The following RFTN2 variants were observed in gnomAD, a reference collection of about 807,000 sequenced individuals.
RFTN2 encodes the protein raftlin family member 2.
Under a neutral mutation model 52.7 loss-of-function variants are expected in RFTN2, and 34 were observed. The ratio of observed to expected loss-of-function variants is 0.64; its 90% CI spans 0.49 to 0.86. RFTN2 has a LOEUF of 0.86. Among genes scored for constraint, RFTN2 ranks in the 40% least tolerant of loss-of-function variants. The probability of loss-of-function intolerance (pLI) is 0.00; values close to 1 mark genes in which losing one functional copy is unlikely to be tolerated. For missense variants in RFTN2, 536 were observed against 600.1 expected (o/e 0.89, Z 1.12); for synonymous variants, 203 against 217.7 (o/e 0.93, Z 0.59).
intron 3 of RFTN2, among the ~76,000 whole-genome samples, chr2:197,638,931 C>T (rs1225341941): frequency 2.0e-5 from 3 of 151,464 alleles, no homozygotes; most frequent in African/African-American, 7.3e-5. Flanking sequence ...TTTGGGCAGG[C>T]CTGGTCATGA....
chr2:197,596,174 C>CT, intron 7 of RFTN2, 105 bp from the exon 8 acceptor site: 1 of 515,194 alleles, frequency 1.9e-6, no homozygotes, highest in Non-Finnish European at 3.4e-6. Flanking sequence ...AATCTTCTGA[C>CT]CAAAAATAAT....
intron 1 of RFTN2, among the ~76,000 whole-genome samples, chr2:197,650,505 G>A (rs181715463): frequency 6.6e-6 from 1 of 152,348 alleles, no homozygotes; most frequent in African/African-American, 2.4e-5. Context: ...AATAAGGGAT[G>A]TGCCTTGGCT....
chr2:197,671,996 A>G (rs2106278035), intron 1 of RFTN2, among the ~76,000 whole-genome samples: 1 of 152,312 alleles, frequency 6.6e-6, no homozygotes, highest in Admixed American at 6.5e-5. Context: ...TACATACATC[A>G]TATGCTCTCA....
chr2:197,596,266 AG>A (rs1378076658), intron 7 of RFTN2, among the ~76,000 whole-genome samples, 197 bp from the exon 8 acceptor site: 1 of 152,238 alleles, frequency 6.6e-6, no homozygotes, highest in African/African-American at 2.4e-5. Context: ...CTGGAAAAAC[AG>A]GAAAAACCCC....
rs780547507 is a variant in RFTN2, at chr2:197,616,288, TA to T, written c.1051-310del. ...ATCTGCATTTTATTTTATTTTATTTTATTTTATTTTATTTTATTTTAAAGAG... is the reference window on the plus strand; with the variant it reads ...ATCTGCATTTTATTTTATTTTATTTTTTTTATTTTATTTTATTTTAAAGAG... On this transcript the variant is annotated intron_variant, in intron 6 of 8. Coordinates refer to ENST00000295049, the MANE Select transcript of RFTN2 (RefSeq NM_144629.3). 9.2e-5 allele frequency among the ~76,000 whole-genome samples: 3 copies of T among 32,490 alleles called. 1 individual carries two copies. The highest frequency in any genetic ancestry group is 4.7e-4 in the African/African-American group (3 of 6,400). 21.3% of individuals were successfully genotyped at this position (32,490 alleles called of 152,430 possible).
intron 1 of RFTN2, among the ~76,000 whole-genome samples, chr2:197,647,484 A>G (rs1013260766): frequency 2.0e-5 from 3 of 152,152 alleles, no homozygotes; most frequent in Admixed American, 6.5e-5. Context: ...TGTTGGGATT[A>G]TAGGTGTGAG....
chr2:197,599,066 C>A (rs2087837312), intron 7 of RFTN2, among the ~76,000 whole-genome samples: 2 of 152,026 alleles, frequency 1.3e-5, no homozygotes, highest in South Asian at 4.2e-4. Context: ...ATTTTCCTAC[C>A]TCAGCCTCCC....
At chr2:197,590,889 C>G (rs2087698895) in intron 8 of RFTN2, among the ~76,000 whole-genome samples, 1 of 152,138 alleles carries the variant, frequency 6.6e-6, no homozygotes. Flanking sequence ...GAGGGAGCAG[C>G]AGCACAATTT....
At chr2:197,616,268 C>CATTTCATTTCATTTT (rs2088139290) in intron 6 of RFTN2, among the ~76,000 whole-genome samples, 1 of 60,768 alleles carries the variant, frequency 1.6e-5, no homozygotes, top group African/African-American at 8.0e-5. Context: ...TGGGAATCTG[C>CATTTCATTTCATTTT]ATTTTATTTT....
At chr2:197,603,959 G>C (rs2087921239) in intron 7 of RFTN2, among the ~76,000 whole-genome samples, 1 of 151,556 alleles carries the variant, frequency 6.6e-6, no homozygotes, top group Admixed American at 6.6e-5. Flanking sequence ...AAAAAACATA[G>C]AATTTTAAAT....
chr2:197,630,926 G>T (rs1170526910), intron 5 of RFTN2, 85 bp downstream of exon 5: 1 of 866,926 alleles, frequency 1.2e-6, no homozygotes, highest in Non-Finnish European at 1.9e-6. Context: ...TTCAGCCATA[G>T]AACTTGAGAG....
At position 197,628,715 on chromosome 2, in the gene RFTN2, G is replaced by A. The variant is rs1262811706; in HGVS notation, c.928+2296C>T. ...AGTACTGTAATTGCACATAACAAGT[G>A]GCAGGAAAGAAAACTAACACCAGAA... is the stretch of plus-strand genomic sequence containing the variant. On this transcript the variant is annotated intron_variant, in intron 5 of 8. Transcript: ENST00000295049. Among the ~76,000 whole-genome samples the A allele has an allele frequency of 2.0e-5, 3 of 152,150 alleles. No individual in the cohort carries two copies. The East Asian group carries it at 5.8e-4, about 29-fold the overall frequency.
intron 1 of RFTN2, among the ~76,000 whole-genome samples, chr2:197,658,195 GA>G (rs1367123405): frequency 3.2e-4 from 43 of 132,804 alleles, no homozygotes; most frequent in Admixed American, 1.6e-3. Context: ...TTTTTTTTTA[GA>G]AAAAAAAAAT....
chr2:197,667,732 A>C (rs1352514180), intron 1 of RFTN2, among the ~76,000 whole-genome samples: 1 of 152,108 alleles, frequency 6.6e-6, no homozygotes, highest in Non-Finnish European at 1.5e-5. Flanking sequence ...ATTTCCATAG[A>C]GGCTTACAGT....
At chr2:197,590,424 CA>C (rs2087684905) in intron 8 of RFTN2, among the ~76,000 whole-genome samples, 1 of 151,980 alleles carries the variant, frequency 6.6e-6, no homozygotes, top group African/African-American at 2.4e-5. Flanking sequence ...AAACAAATTC[CA>C]AAAGTAAAGG....
At position 197,635,637 on chromosome 2, in the gene RFTN2, G is replaced by C. The variant is rs1191819316; in HGVS notation, c.439-1640C>G. 7.4e-5 allele frequency among the ~76,000 whole-genome samples: 11 copies of C among 149,156 alleles called. No individual in the cohort carries two copies. In the East Asian group the frequency reaches 2.0e-3, roughly 27 times the overall value. On this transcript the variant is annotated intron_variant, in intron 3 of 8. Coordinates refer to ENST00000295049, the MANE Select transcript of RFTN2 (RefSeq NM_144629.3). Reference sequence around the variant, plus strand: ...AGTTCATTGTAGATTCTGGATATTAGCCCTTTGTCAGATGAGTAGGTTGTG... The same window carrying C: ...AGTTCATTGTAGATTCTGGATATTACCCCTTTGTCAGATGAGTAGGTTGTG...
intron 3 of RFTN2, among the ~76,000 whole-genome samples, chr2:197,640,862 C>G (rs1466038434): frequency 6.6e-6 from 1 of 151,938 alleles, no homozygotes; most frequent in African/African-American, 2.4e-5. Context: ...GCCTGTTCCT[C>G]TCTGCTTTTA....
At chr2:197,622,104 A>G (rs886124763) in intron 5 of RFTN2, among the ~76,000 whole-genome samples, 6 of 152,160 alleles carry the variant, frequency 3.9e-5, no homozygotes, top group African/African-American at 1.4e-4. Context: ...GAAGGCTGAG[A>G]GAGGTGAGGA....
intron 8 of RFTN2, among the ~76,000 whole-genome samples, chr2:197,577,977 A>G (rs986159047): frequency 1.3e-5 from 2 of 152,130 alleles, no homozygotes; most frequent in African/African-American, 4.8e-5. Context: ...TCAGCCTCCC[A>G]AAGTGCTGGG....
Sources: allele counts gnomAD v4.1 joint callset (sites outside exome capture counted in the v4.1 genomes callset), GRCh38; gene constraint gnomAD v4.1.1; transcripts MANE v1.5; gene names NCBI Gene and HGNC (gene_info 2026-07-23, HGNC 2026-07-21).